The following SAMD12 variants were observed in gnomAD, a reference collection of about 807,000 sequenced individuals.
The protein encoded by SAMD12 is sterile alpha motif domain-containing protein 12.
A neutral mutation model predicts 15.0 loss-of-function variants in SAMD12; 9 were observed. That is an observed-to-expected ratio of 0.60 (90% CI 0.36 to 1.05). The LOEUF (loss-of-function observed/expected upper bound fraction) is 1.05, where lower values mean the gene tolerates loss of function less well. Ranked by LOEUF, SAMD12 falls within the 50% of genes least tolerant of loss-of-function variation. The probability of loss-of-function intolerance (pLI) is 0.01; values close to 1 mark genes in which losing one functional copy is unlikely to be tolerated. For synonymous variants in SAMD12, 86 were observed against 90.1 expected (o/e 0.96, Z 0.25); for missense variants, 230 against 234.2 (o/e 0.98, Z 0.12).
intron 4 of SAMD12, among the ~76,000 whole-genome samples, chr8:118,273,488 T>C (rs1038739007): frequency 2.0e-5 from 3 of 152,184 alleles, no homozygotes. Flanking sequence ...TAGCAGCTTT[T>C]ATATAAGTTT....
chr8:118,149,460 G>C, the SAMD12 span, among the ~76,000 whole-genome samples: 14 of 151,912 alleles, frequency 9.2e-5, no homozygotes, highest in African/African-American at 3.4e-4. Context: ...CATTTTTATT[G>C]GGTTGTTTAT....
chr8:118,332,639 G>A (rs866072568), intron 4 of SAMD12, among the ~76,000 whole-genome samples: 2 of 152,198 alleles, frequency 1.3e-5, no homozygotes, highest in East Asian at 1.9e-4. Flanking sequence ...GCTCACAGCC[G>A]CATGACACTG....
At chr8:118,368,125 A>G (rs1818891515) in intron 4 of SAMD12, among the ~76,000 whole-genome samples, 1 of 152,218 alleles carries the variant, frequency 6.6e-6, no homozygotes, top group Non-Finnish European at 1.5e-5. Context: ...TAAAGACTTG[A>G]TAAAATTAGA....
chr8:118,153,081 G>A, the SAMD12 span, among the ~76,000 whole-genome samples: 71 of 152,342 alleles, frequency 4.7e-4, 2 homozygotes, highest in South Asian at 0.014. Context: ...CTGCTCATAA[G>A]CATATTTTTC....
At chr8:118,259,946 A>G (rs1222485337) in intron 4 of SAMD12, among the ~76,000 whole-genome samples, 2 of 152,104 alleles carry the variant, frequency 1.3e-5, no homozygotes, top group Non-Finnish European at 2.9e-5. Flanking sequence ...CAGATAGAGG[A>G]GTTCTTTTGT....
At chr8:118,525,656 C>T (rs1825517144) in intron 2 of SAMD12, among the ~76,000 whole-genome samples, 1 of 152,158 alleles carries the variant, frequency 6.6e-6, no homozygotes. Context: ...TATGCTATTC[C>T]CTGGGATTGA....
intron 2 of SAMD12, among the ~76,000 whole-genome samples, chr8:118,536,755 T>C (rs1464195506): frequency 6.6e-6 from 1 of 152,234 alleles, no homozygotes; most frequent in East Asian, 1.9e-4. Context: ...TTGTAGTTAT[T>C]TTTGATTGAT....
At chr8:118,283,694 G>A (rs1295018407) in intron 4 of SAMD12, among the ~76,000 whole-genome samples, 3 of 152,210 alleles carry the variant, frequency 2.0e-5, no homozygotes, top group African/African-American at 4.8e-5. Flanking sequence ...TAAAGAGGAA[G>A]GGCTTCTACT....
intron 3 of SAMD12, among the ~76,000 whole-genome samples, chr8:118,397,775 G>A (rs959313923): frequency 7.6e-6 from 1 of 131,002 alleles, no homozygotes; most frequent in African/African-American, 3.1e-5. Flanking sequence ...TTAAAAATGA[G>A]GAAAATGGGA....
chr8:118,566,908 C>G (rs1224259755), intron 2 of SAMD12, among the ~76,000 whole-genome samples: 2 of 152,250 alleles, frequency 1.3e-5, no homozygotes, highest in African/African-American at 4.8e-5. Context: ...GATGAACAAA[C>G]AAAACTTGGT....
downstream of SAMD12, among the ~76,000 whole-genome samples, chr8:118,188,086 G>T (rs1209639863): frequency 6.6e-6 from 1 of 151,718 alleles, no homozygotes; most frequent in African/African-American, 2.4e-5. Flanking sequence ...AGAGATGGGA[G>T]AGAAAAAGGG....
At chr8:118,463,026 G>A (rs918723173) in intron 2 of SAMD12, among the ~76,000 whole-genome samples, 4 of 145,478 alleles carry the variant, frequency 2.7e-5, no homozygotes, top group Non-Finnish European at 3.0e-5. Flanking sequence ...GCGTGAACCC[G>A]GGAGGCGGAG....
intron 2 of SAMD12, among the ~76,000 whole-genome samples, chr8:118,494,506 A>G (rs182206079): frequency 6.6e-6 from 1 of 152,284 alleles, no homozygotes; most frequent in East Asian, 1.9e-4. Context: ...TAGAGTCCAT[A>G]AGGGCATTCC....
chr8:118,160,611 T>C, the SAMD12 span, among the ~76,000 whole-genome samples: 3 of 152,184 alleles, frequency 2.0e-5, no homozygotes, highest in African/African-American at 7.2e-5. Context: ...TTCCAACAAA[T>C]GGTGCCAAAA....
chr8:118,348,614 T>C (rs569508251), intron 4 of SAMD12, among the ~76,000 whole-genome samples: 1 of 152,124 alleles, frequency 6.6e-6, no homozygotes, highest in Non-Finnish European at 1.5e-5. Context: ...CATCGTGATC[T>C]GCCCACCTCG....
chr8:118,205,757 C>T (rs1252915777), intron 4 of SAMD12, among the ~76,000 whole-genome samples: 2 of 152,152 alleles, frequency 1.3e-5, no homozygotes, highest in African/African-American at 4.8e-5. Context: ...GTTCTGCTGC[C>T]TGGCTTTGCA....
chr8:118,604,198 T>C (rs2514593), intron 1 of SAMD12, among the ~76,000 whole-genome samples: 119,374 of 152,140 alleles, frequency 0.78, 48,328 homozygotes, highest in Middle Eastern at 0.9. Context: ...TGGAAATAAG[T>C]ACAATGTTGT....
At chr8:118,316,505 C>T (rs368257775) in intron 4 of SAMD12, among the ~76,000 whole-genome samples, 2 of 152,020 alleles carry the variant, frequency 1.3e-5, no homozygotes, top group African/African-American at 2.4e-5. Flanking sequence ...CACTGCACTC[C>T]AGTCTGGTGA....
chr8:118,584,490 T>C (rs1487523871), intron 1 of SAMD12, among the ~76,000 whole-genome samples: 1 of 152,172 alleles, frequency 6.6e-6, no homozygotes, highest in Non-Finnish European at 1.5e-5. Context: ...CTCTTCTCGT[T>C]TCCCTAATCT....
Sources: gnomAD v4.1 joint callset for allele counts (sites outside exome capture counted in the v4.1 genomes callset) on GRCh38, gnomAD v4.1.1 for gene constraint, MANE v1.5 for transcripts, NCBI Gene and HGNC (gene_info 2026-07-23, HGNC 2026-07-21) for gene names.